Variants in EXOSC4 observed in about 807,000 individuals in gnomAD.
The protein encoded by EXOSC4 is exosome complex component RRP41.
A neutral mutation model predicts 20.0 loss-of-function variants in EXOSC4; 14 were observed. The ratio of observed to expected loss-of-function variants is 0.70; its 90% CI spans 0.46 to 1.09. The LOEUF (loss-of-function observed/expected upper bound fraction) is 1.09. Among genes scored for constraint, EXOSC4 ranks in the 50% least tolerant of loss-of-function variants. The pLI is 0.00. For missense variants in EXOSC4, 337 were observed against 334.0 expected (o/e 1.01, Z -0.07); for synonymous variants, 148 against 146.4 (o/e 1.01, Z -0.08).
chr8:144,066,128 T>C, the EXOSC4 span, among the ~76,000 whole-genome samples: 1 of 151,964 alleles, frequency 6.6e-6, no homozygotes, highest in African/African-American at 2.4e-5. Flanking sequence ...GCCATTCTCC[T>C]GCCTCAGCCT....
chr8:144,070,249 G>A, the EXOSC4 span, among the ~76,000 whole-genome samples: 11 of 152,188 alleles, frequency 7.2e-5, no homozygotes, highest in African/African-American at 2.4e-4. Context: ...GAGAAGCTTG[G>A]GGGGCGTGGC....
chr8:144,066,964 G>C, the EXOSC4 span, among the ~76,000 whole-genome samples: 1 of 152,098 alleles, frequency 6.6e-6, no homozygotes, highest in Non-Finnish European at 1.5e-5. Context: ...GTGCATGCCT[G>C]TAATCCCAGC....
At chr8:144,078,658 A>G (rs1835861515), upstream of EXOSC4, 2 of 1,336,704 alleles carry the variant, frequency 1.5e-6, no homozygotes, top group Admixed American at 4.1e-5. This position sits in a 1 kb window ranked among gnomAD's most constrained non-coding sequence, Gnocchi z 4.7. Flanking sequence ...GGGCGGTCGG[A>G]GCCGCCGGGA....
At position 144,080,042 on chromosome 8, in the gene EXOSC4, C is replaced by T; in HGVS notation, c.271C>T (p.His91Tyr). Reference sequence around the variant, plus strand: ...CACAGGTGAGCGCAAGCGACGGCCACATGGGGACCGTAAGTCCTGTGAGAT... The same window carrying T: ...CACAGGTGAGCGCAAGCGACGGCCATATGGGGACCGTAAGTCCTGTGAGAT... ...FSTGERKRRP[H>Y]GDRKSCEMGL... The change falls in exon 2 of 3, where the codon CAT becomes TAT. Residue 91 changes from histidine (H) to tyrosine (Y), a missense_variant. Transcript: ENST00000316052. This position sits in a 1 kb window ranked among gnomAD's most constrained non-coding sequence, Gnocchi z 4.9. The T allele has an allele frequency of 6.2e-7, 1 of 1,614,116 alleles. No individual in the cohort carries two copies. The highest frequency in any genetic ancestry group is 1.3e-5 in the African/African-American group (1 of 75,054).
the EXOSC4 span, among the ~76,000 whole-genome samples, chr8:144,071,482 T>C: frequency 6.7e-6 from 1 of 148,208 alleles, no homozygotes; most frequent in Non-Finnish European, 1.5e-5. Flanking sequence ...GTTTTTTGTA[T>C]TTTTAGTACA....
rs1587588283 is a variant in EXOSC4, at chr8:144,080,301, G to A, written c.438G>A (p.Val146=). The A allele has an allele frequency of 6.2e-7, 1 of 1,613,798 alleles. No individual in the cohort carries two copies. The highest frequency in any genetic ancestry group is 2.2e-5 in the East Asian group (1 of 44,892). The stretch of plus-strand genomic sequence containing the variant: ...GTGTGAATGCAGCCACGCTGGCAGT[G>A]CTGGATGCCGGGATACCCATGAGAG... ...AACVNAATLA[V]LDAGIPMRDF... Residue 146 remains valine, a synonymous_variant, in exon 3 of 3, where the codon GTG becomes GTA. Transcript: ENST00000316052. The surrounding 1 kb of genome is among the most constrained non-coding windows in gnomAD (Gnocchi z 4.9).
chr8:144,068,518 G>C, the EXOSC4 span, among the ~76,000 whole-genome samples: 1 of 152,214 alleles, frequency 6.6e-6, no homozygotes, highest in Admixed American at 6.5e-5. Flanking sequence ...AAGAGTGTGG[G>C]GAAGTGACGC....
intron 1 of EXOSC4, 168 bp downstream of exon 1, chr8:144,079,067 T>C: frequency 1.3e-6 from 1 of 742,182 alleles, no homozygotes; most frequent in Non-Finnish European, 1.9e-6. Flanking sequence ...CTTAGTGTGC[T>C]GCGCGGTGGT....
chr8:144,076,686 G>A (rs985021119), upstream of EXOSC4, among the ~76,000 whole-genome samples: 5 of 152,184 alleles, frequency 3.3e-5, no homozygotes, highest in African/African-American at 1.2e-4. Flanking sequence ...GACCAACATC[G>A]TCCTCATTGT....
At chr8:144,065,100 C>T in the EXOSC4 span, among the ~76,000 whole-genome samples, 1 of 152,138 alleles carries the variant, frequency 6.6e-6, no homozygotes, top group African/African-American at 2.4e-5. Flanking sequence ...CCACCTCAGC[C>T]TCCCAAAGTG....
Position 144,078,914 on chromosome 8 carries a change from G to T in EXOSC4, c.171+15G>T, listed in dbSNP as rs1835866492. 1 of 1,458,970 alleles carries T rather than the reference G, an allele frequency of 6.9e-7. No homozygotes were observed. Among genetic ancestry groups the T allele is most frequent in the Non-Finnish European group, 9.1e-7 (1 of 1,101,246 alleles). The allele number at this position is 1,458,970 out of a possible 1,614,324, so 90.4% of individuals were successfully genotyped here. A position where few individuals can be genotyped will look rare whatever the true frequency, so the allele number is the denominator to read the frequency against. On this transcript the variant is annotated intron_variant, in intron 1 of 2. Transcript: ENST00000316052. This position sits in a 1 kb window ranked among gnomAD's most constrained non-coding sequence, Gnocchi z 4.7. ...GCCCGCACGAGGCGAGTGGGCGCGC[G>T]GGATGGGGAATCGTGTGGCCGTGGG...
chr8:144,079,140 C>T, intron 1 of EXOSC4: 1 of 414,592 alleles, frequency 2.4e-6, no homozygotes, highest in Non-Finnish European at 4.2e-6. Context: ...CTTCAACGTG[C>T]TAGGCACTCC....
At position 144,080,514 on chromosome 8, in the gene EXOSC4, T is replaced by TGCCCAGGCTGCC; in HGVS notation, c.652_663dup (p.Ala218_Ala221dup). 5.6e-6 allele frequency: 9 copies of TGCCCAGGCTGCC among 1,604,302 alleles called. No homozygotes were observed. Among genetic ancestry groups the TGCCCAGGCTGCC allele is most frequent in the Non-Finnish European group, 7.6e-6 (9 of 1,179,966 alleles). ...ACCTGGAGCGGGTGTTGGAGGCTGC[T>TGCCCAGGCTGCC]GCCCAGGCTGCCCGAGATGTGCACA... On this transcript the variant is annotated inframe_insertion, in exon 3 of 3. Coordinates refer to ENST00000316052, the MANE Select transcript of EXOSC4 (RefSeq NM_019037.3). The surrounding 1 kb of genome is among the most constrained non-coding windows in gnomAD (Gnocchi z 4.9).
chr8:144,071,920 C>T, the EXOSC4 span, among the ~76,000 whole-genome samples: 1 of 152,100 alleles, frequency 6.6e-6, no homozygotes, highest in Non-Finnish European at 1.5e-5. Context: ...GTCGAGGCTG[C>T]AGAGAGCCAA....
upstream of EXOSC4, among the ~76,000 whole-genome samples, chr8:144,075,448 G>A (rs558249335): frequency 2.6e-5 from 4 of 152,108 alleles, 1 homozygote; most frequent in South Asian, 4.1e-4. Flanking sequence ...GGATGGTCTC[G>A]ATCTCCTGAC....
Position 144,078,741 on chromosome 8 carries a change from G to A in EXOSC4, c.13G>A (p.Glu5Lys), listed in dbSNP as rs781929052. The change falls in exon 1 of 3, where the codon GAG becomes AAG. Residue 5 changes from glutamate (E) to lysine (K), a missense_variant. Coordinates refer to ENST00000316052, the MANE Select transcript of EXOSC4 (RefSeq NM_019037.3). The surrounding 1 kb of genome is among the most constrained non-coding windows in gnomAD (Gnocchi z 4.7). MAGL[E>K]LLSDQGYRVD... is the part of the protein sequence containing the mutation. ...GCGGCCGGGCAGCATGGCGGGGCTG[G>A]AGCTCTTGTCGGACCAGGGCTACCG... The A allele has an allele frequency of 1.4e-6, 2 of 1,471,772 alleles. No individual in the cohort carries two copies. The highest frequency in any genetic ancestry group is 1.8e-6 in the Non-Finnish European group (2 of 1,109,212). 91.2% of individuals were successfully genotyped at this position (1,471,772 alleles called of 1,614,324 possible). A position where few individuals can be genotyped will look rare whatever the true frequency, so the allele number is the denominator to read the frequency against.
chr8:144,067,036 G>A, the EXOSC4 span, among the ~76,000 whole-genome samples: 4 of 151,770 alleles, frequency 2.6e-5, no homozygotes, highest in Non-Finnish European at 4.4e-5. Context: ...GTGGAGAGCC[G>A]AGATCACACC....
Position 144,080,402 on chromosome 8 carries a change from C to T in EXOSC4, c.539C>T (p.Ala180Val). The T allele has an allele frequency of 3.1e-6, 5 of 1,611,494 alleles. No individual in the cohort carries two copies. The highest frequency in any genetic ancestry group is 4.2e-6 in the Non-Finnish European group (5 of 1,180,000). Residue 180 changes from alanine (A) to valine (V), a missense_variant, in exon 3 of 3, where the codon GCT (alanine) becomes GTT (valine). By Grantham distance (64) the Ala-to-Val change is moderately conservative. Coordinates refer to ENST00000316052, the MANE Select transcript of EXOSC4 (RefSeq NM_019037.3). The surrounding 1 kb of genome is among the most constrained non-coding windows in gnomAD (Gnocchi z 4.9). ...GACCTCAGCCATGTGGAGGAAGCAG[C>T]TGGTGGCCCCCAGCTGGCCCTGGCC... The part of the protein sequence containing the change: ...LADLSHVEEA[A>V]GGPQLALALL...
At chr8:144,065,499 C>T in the EXOSC4 span, among the ~76,000 whole-genome samples, 2 of 151,856 alleles carry the variant, frequency 1.3e-5, no homozygotes, top group East Asian at 1.9e-4. Context: ...GAGGTTGAGG[C>T]GGGCAGATCA....
Sources: allele counts gnomAD v4.1 joint callset (sites outside exome capture counted in the v4.1 genomes callset), GRCh38; gene constraint gnomAD v4.1.1; non-coding constraint Gnocchi (gnomAD v3.1); transcripts MANE v1.5; gene names NCBI Gene and HGNC (gene_info 2026-07-23, HGNC 2026-07-21).